Variants in PRKN observed in about 807,000 individuals in gnomAD.
The protein encoded by PRKN is E3 ubiquitin-protein ligase parkin.
Under a neutral mutation model 59.5 loss-of-function variants are expected in PRKN, and 56 were observed. The ratio of observed to expected loss-of-function variants is 0.94; its 90% CI spans 0.76 to 1.18. The LOEUF (loss-of-function observed/expected upper bound fraction) is 1.18, where lower values mean the gene tolerates loss of function less well. PRKN is among the 50% of genes most tolerant of loss of function. The pLI, the probability that PRKN is intolerant of heterozygous loss-of-function variation, is 0.00. For missense variants in PRKN, 657 were observed against 596.4 expected (o/e 1.10, Z -1.06); for synonymous variants, 250 against 222.1 (o/e 1.13, Z -1.12).
chr6:162,048,900 T>A (rs1275625773), intron 5 of PRKN, among the ~76,000 whole-genome samples: 1 of 152,142 alleles, frequency 6.6e-6, no homozygotes, highest in Non-Finnish European at 1.5e-5. Flanking sequence ...TATCCAAAGT[T>A]GAGTTAATTT....
intron 9 of PRKN, among the ~76,000 whole-genome samples, chr6:161,496,462 G>A (rs960801969): frequency 2.0e-5 from 3 of 152,230 alleles, no homozygotes; most frequent in Admixed American, 6.5e-5. Flanking sequence ...ACATGGCTGG[G>A]GAGGCCTCAC....
chr6:162,416,709 T>C (rs550111843), intron 2 of PRKN, among the ~76,000 whole-genome samples: 1 of 152,300 alleles, frequency 6.6e-6, no homozygotes, highest in African/African-American at 2.4e-5. Context: ...CTCTTTTTCT[T>C]AATAACTTAC....
intron 6 of PRKN, among the ~76,000 whole-genome samples, chr6:161,911,542 C>T (rs1333378433): frequency 1.3e-5 from 2 of 152,148 alleles, no homozygotes; most frequent in Non-Finnish European, 2.9e-5. Flanking sequence ...TTATGTCCCC[C>T]AACCCTGGAT....
intron 5 of PRKN, among the ~76,000 whole-genome samples, chr6:162,041,999 T>C (rs1325559107): frequency 1.3e-5 from 2 of 152,086 alleles, no homozygotes; most frequent in African/African-American, 2.4e-5. Context: ...CAAGCTTCAC[T>C]CCCATGCAGT....
chr6:162,111,462 CT>C (rs1480103722), intron 4 of PRKN, among the ~76,000 whole-genome samples: 2 of 144,228 alleles, frequency 1.4e-5, no homozygotes, highest in East Asian at 4.0e-4. Flanking sequence ...GAGACTCTGT[CT>C]AAAAAAAAAG....
intron 4 of PRKN, among the ~76,000 whole-genome samples, chr6:162,093,344 G>A (rs920108344): frequency 1.3e-5 from 2 of 152,042 alleles, no homozygotes; most frequent in Non-Finnish European, 2.9e-5. Context: ...CTAGCATCAC[G>A]CTCCTCATGG....
intron 6 of PRKN, among the ~76,000 whole-genome samples, chr6:161,949,124 C>T (rs1779889744): frequency 2.0e-5 from 3 of 152,172 alleles, no homozygotes; most frequent in African/African-American, 4.8e-5. Flanking sequence ...CCATGCAGGA[C>T]ATGATCCACA....
intron 2 of PRKN, among the ~76,000 whole-genome samples, chr6:162,346,413 C>A (rs974926199): frequency 1.4e-5 from 2 of 145,644 alleles, no homozygotes; most frequent in Non-Finnish European, 3.0e-5. Flanking sequence ...CCCAGGAGTT[C>A]GAGACCAGCC....
chr6:161,439,961 T>G (rs1169279959), intron 9 of PRKN, among the ~76,000 whole-genome samples: 2 of 148,868 alleles, frequency 1.3e-5, no homozygotes, highest in South Asian at 2.2e-4. Flanking sequence ...GTTTTTTGTT[T>G]TTTTTTTTTG....
intron 2 of PRKN, among the ~76,000 whole-genome samples, chr6:162,313,080 G>A (rs902441594): frequency 6.6e-6 from 1 of 152,022 alleles, no homozygotes; most frequent in Non-Finnish European, 1.5e-5. Flanking sequence ...TTTTTCTGCT[G>A]TAAAAAGTAA....
chr6:162,584,948 C>T (rs1780986182), intron 1 of PRKN, among the ~76,000 whole-genome samples: 1 of 145,630 alleles, frequency 6.9e-6, no homozygotes, highest in African/African-American at 2.6e-5. Context: ...ACTCTGTCGC[C>T]CAGGCTGGAG....
At chr6:161,849,932 CAT>C (rs1250330841) in intron 6 of PRKN, among the ~76,000 whole-genome samples, 1 of 152,174 alleles carries the variant, frequency 6.6e-6, no homozygotes, top group South Asian at 2.1e-4. Context: ...GATGAAGAAT[CAT>C]ATGTGCGTCA....
chr6:162,320,387 AAGC>A, intron 2 of PRKN, among the ~76,000 whole-genome samples: 1 of 128,678 alleles, frequency 7.8e-6, no homozygotes, highest in African/African-American at 2.7e-5. Context: ...AAAAAAAACC[AAGC>A]ATTTTAAGAT....
chr6:162,442,507 T>G (rs1380257365), intron 2 of PRKN, among the ~76,000 whole-genome samples: 1 of 152,184 alleles, frequency 6.6e-6, no homozygotes, highest in Non-Finnish European at 1.5e-5. Flanking sequence ...TCTCTAGTTC[T>G]AGGTGATGGT....
chr6:161,933,206 G>A (rs1779230734), intron 6 of PRKN, among the ~76,000 whole-genome samples: 1 of 152,094 alleles, frequency 6.6e-6, no homozygotes. Context: ...CTTGAACCTG[G>A]GAGGCAGAGG....
At chr6:162,136,900 T>TTTTA (rs1781581245) in intron 4 of PRKN, among the ~76,000 whole-genome samples, 1 of 152,114 alleles carries the variant, frequency 6.6e-6, no homozygotes, top group Admixed American at 6.5e-5. Context: ...AATAAAGGAA[T>TTTTA]TTTATTTATT....
chr6:162,092,525 C>T (rs929185529), intron 4 of PRKN, among the ~76,000 whole-genome samples: 2 of 152,062 alleles, frequency 1.3e-5, no homozygotes, highest in Non-Finnish European at 2.9e-5. Flanking sequence ...CTATTAATTG[C>T]ATGCATTATT....
At chr6:162,093,769 C>T (rs770702271) in intron 4 of PRKN, among the ~76,000 whole-genome samples, 2 of 152,122 alleles carry the variant, frequency 1.3e-5, no homozygotes, top group East Asian at 1.9e-4. Flanking sequence ...TAACTCATAA[C>T]GGCTTGACTG....
intron 1 of PRKN, among the ~76,000 whole-genome samples, chr6:162,486,653 T>C (rs1792551980): frequency 6.6e-6 from 1 of 152,234 alleles, no homozygotes; most frequent in Non-Finnish European, 1.5e-5. Flanking sequence ...TTACTTGACA[T>C]TCTACCAACA....
Sources: allele counts gnomAD v4.1 joint callset (sites outside exome capture counted in the v4.1 genomes callset), GRCh38; gene constraint gnomAD v4.1.1; transcripts MANE v1.5; gene names NCBI Gene and HGNC (gene_info 2026-07-23, HGNC 2026-07-21).